IVD: variants seen among roughly 807,000 people sequenced by gnomAD.
IVD encodes isovaleryl-CoA dehydrogenase, mitochondrial.
A neutral mutation model predicts 51.3 loss-of-function variants in IVD; 31 were observed. The ratio of observed to expected loss-of-function variants is 0.60; its 90% CI spans 0.45 to 0.81. The LOEUF is 0.81. Ranked by LOEUF, IVD falls within the 40% of genes least tolerant of loss-of-function variation. The pLI, the probability that IVD is intolerant of heterozygous loss-of-function variation, is 0.00. For synonymous variants in IVD, 205 were observed against 219.4 expected, an observed-to-expected ratio of 0.93 and a Z score of 0.58; for missense variants, 475 against 552.0, an observed-to-expected ratio of 0.86 and a Z score of 1.40.
chr15:40,418,005 C>A (rs1042956681), intron 11 of IVD, 125 bp from the exon 12 acceptor site: 92 of 1,395,880 alleles, frequency 6.6e-5, no homozygotes, highest in Non-Finnish European at 7.8e-5. Context: ...CCTCTTGCTA[C>A]CTTTTGCTGC....
chr15:40,410,922 T>A (rs1891006624), intron 4 of IVD, 125 bp downstream of exon 4: 6 of 1,176,202 alleles, frequency 5.1e-6, no homozygotes, highest in Middle Eastern at 1.9e-4. Context: ...CCAAATGTGG[T>A]TAGGAAGGGG....
Position 40,410,547 on chromosome 15 carries a change from C to T in IVD, c.287-81C>T, listed in dbSNP as rs527286279. On this transcript the variant is annotated intron_variant, in intron 3 of 11. Coordinates refer to ENST00000487418, the MANE Select transcript of IVD (RefSeq NM_002225.5). ...GTGCTACAAGGTGCTTCCCTTCTGC[C>T]GTCAAATGTAAGATTCTTAATGAAT... 2.0e-5 allele frequency: 30 copies of T among 1,522,864 alleles called. 1 individual carries two copies. The East Asian group carries it at 3.2e-4, about 16-fold the overall frequency. 94.3% of individuals were successfully genotyped at this position (1,522,864 alleles called of 1,614,324 possible). A position where few individuals can be genotyped will look rare whatever the true frequency, so the allele number is the denominator to read the frequency against.
chr15:40,427,876 C>G (rs1159524998), downstream of IVD, among the ~76,000 whole-genome samples: 1 of 152,006 alleles, frequency 6.6e-6, no homozygotes, highest in Non-Finnish European at 1.5e-5. Flanking sequence ...CAGACCAGTC[C>G]AAGGTTGCTA....
intron 11 of IVD, among the ~76,000 whole-genome samples, chr15:40,416,795 C>G (rs979853894): frequency 6.6e-6 from 1 of 152,180 alleles, no homozygotes; most frequent in Admixed American, 6.5e-5. Flanking sequence ...GTCCCAGTTA[C>G]AAGGAGGAAA....
rs111540938 is a variant in IVD, at chr15:40,416,502, C to T, written c.1138+140C>T. ...TGGGAGGCCGAGGTAGGCAGATCACCTGAGGTCAGGAGTTCAAGACCAGCC... is the reference window on the plus strand; with the variant it reads ...TGGGAGGCCGAGGTAGGCAGATCACTTGAGGTCAGGAGTTCAAGACCAGCC... On this transcript the variant is annotated intron_variant, in intron 11 of 11. Transcript: ENST00000487418. 0.095 allele frequency: 71,994 copies of T among 755,202 alleles called. 4,155 individuals carry two copies. The highest frequency in any genetic ancestry group is 0.12 in the Non-Finnish European group (51,673 of 435,042). The allele number at this position is 755,202 out of a possible 1,614,324, so 46.8% of individuals were successfully genotyped here.
chr15:40,412,880 A>G (rs908652959), intron 6 of IVD, 111 bp from the exon 7 acceptor site: 1 of 798,554 alleles, frequency 1.3e-6, no homozygotes, highest in African/African-American at 1.7e-5. Flanking sequence ...CATGCTGTGC[A>G]GGTACAGGGA....
chr15:40,424,173 A>G (rs753413458), downstream of IVD: 1 of 1,288,276 alleles, frequency 7.8e-7, no homozygotes, highest in South Asian at 1.2e-5. Flanking sequence ...TGAACCAGTG[A>G]ACTATCAAGC....
In IVD at chr15:40,410,721, GT is replaced by G. The variant is rs769048174; in HGVS notation, c.381del (p.Ala128ProfsTer26). 4 of 1,614,088 alleles carry G rather than the reference GT, an allele frequency of 2.5e-6. No individual in the cohort carries two copies. The highest frequency in any genetic ancestry group is 3.4e-6 in the Non-Finnish European group (4 of 1,180,054). ...TCCGGAGCAGTGGGGCTCAGTTACG[GT>G]GCCCACTCCAACCTCTGCATCAACC... ...RASGAVGLSYGAHSNLCINQL... is the reference protein window; with the variant it reads ...RASGAVGLSYXAHSNLCINQL... On this transcript the variant is annotated frameshift_variant, in exon 4 of 12. Transcript: ENST00000487418. LOFTEE classifies it high-confidence loss of function.
chr15:40,430,311 G>A (rs79626713), intron 7 of IVD, among the ~76,000 whole-genome samples: 12,973 of 152,242 alleles, frequency 0.085, 779 homozygotes, highest in Non-Finnish European at 0.12. Context: ...TAGCCTAGCC[G>A]GGGAGGCAGA....
downstream of IVD, among the ~76,000 whole-genome samples, chr15:40,426,529 C>A (rs1344094385): frequency 6.7e-6 from 1 of 148,902 alleles, no homozygotes; most frequent in Non-Finnish European, 1.5e-5. Flanking sequence ...CAGAGCGATA[C>A]ACTGTCTCAA....
intron 7 of IVD, among the ~76,000 whole-genome samples, chr15:40,413,717 T>C (rs989709961): frequency 6.6e-6 from 1 of 150,928 alleles, no homozygotes; most frequent in South Asian, 2.1e-4. Flanking sequence ...TGAGAAGGAG[T>C]CTTGGCTCTG....
intron 3 of IVD, 116 bp downstream of exon 3, chr15:40,408,106 C>G: frequency 1.1e-6 from 1 of 928,764 alleles, no homozygotes. Flanking sequence ...AGAACTGCAT[C>G]TTTTGGACCT....
chr15:40,410,507 G>C, intron 3 of IVD, 121 bp from the exon 4 acceptor site: 1 of 1,152,680 alleles, frequency 8.7e-7, no homozygotes, highest in South Asian at 1.3e-5. Context: ...TGTTGCTAGA[G>C]AGAATTTGGA....
intron 8 of IVD, among the ~76,000 whole-genome samples, chr15:40,434,662 TGAG>T (rs1893167668): frequency 6.6e-6 from 1 of 152,220 alleles, no homozygotes; most frequent in Non-Finnish European, 1.5e-5. Context: ...GAGTTTCACC[TGAG>T]CTTCGGGAGA....
chr15:40,427,893 A>G (rs867843734), downstream of IVD, among the ~76,000 whole-genome samples: 70 of 152,138 alleles, frequency 4.6e-4, no homozygotes, highest in African/African-American at 1.6e-3. Context: ...GCTAATTAAG[A>G]CTGGACTGCC....
chr15:40,423,521 G>A (rs1892487327), downstream of IVD, among the ~76,000 whole-genome samples: 1 of 152,142 alleles, frequency 6.6e-6, no homozygotes, highest in Non-Finnish European at 1.5e-5. Flanking sequence ...GAGTACAGTG[G>A]CATAATCTCA....
downstream of IVD, chr15:40,435,773 T>G: frequency 2.2e-6 from 2 of 924,848 alleles, no homozygotes; most frequent in Non-Finnish European, 2.6e-6. Context: ...ATCTTTCCCC[T>G]ACCTATGGCA....
intron 11 of IVD, among the ~76,000 whole-genome samples, chr15:40,417,502 C>CAAA (rs61345321): frequency 6.8e-5 from 6 of 88,634 alleles, no homozygotes; most frequent in African/African-American, 2.3e-4. Flanking sequence ...AGCATGACTC[C>CAAA]AAAAAAAAAA....
chr15:40,411,133 T>A, intron 4 of IVD, 127 bp from the exon 5 acceptor site: 1 of 946,386 alleles, frequency 1.1e-6, no homozygotes, highest in Non-Finnish European at 1.7e-6. Context: ...TTCTAGGACT[T>A]TACCGACACC....
Sources: gnomAD v4.1 joint callset for allele counts (sites outside exome capture counted in the v4.1 genomes callset) on GRCh38, gnomAD v4.1.1 for gene constraint, MANE v1.5 for transcripts, NCBI Gene and HGNC (gene_info 2026-07-23, HGNC 2026-07-21) for gene names.